Variants in GDPD3 observed in about 807,000 individuals in gnomAD.
The protein encoded by GDPD3 is lysophospholipase D GDPD3.
In GDPD3, 40 loss-of-function variants were observed where a neutral mutation model predicts 43.7. The ratio of observed to expected loss-of-function variants is 0.91; its 90% confidence interval spans 0.71 to 1.19. The LOEUF is 1.19. Ranked by LOEUF, GDPD3 falls within the 50% of genes most tolerant of loss-of-function variation. The pLI, the probability that GDPD3 is intolerant of heterozygous loss-of-function variation, is 0.00. For synonymous variants in GDPD3, 145 were observed against 162.9 expected (o/e 0.89, Z 0.84); for missense variants, 363 against 415.8 (o/e 0.87, Z 1.11).
rs1220064316 is a variant in GDPD3, at chr16:30,108,978, C to CAT, written c.708-547_708-546insAT. On this transcript the variant is annotated intron_variant, in intron 7 of 9. Coordinates refer to ENST00000406256, the MANE Select transcript of GDPD3 (RefSeq NM_024307.3). ...TCTTGAGTAGCTGGGACTACAGGTG[C>CAT]CCGCCACCACGCCTGCTAATTTTTT... 8.6e-5 allele frequency among the ~76,000 whole-genome samples: 13 copies of CAT among 151,704 alleles called. No homozygotes were observed. The South Asian group carries it at 1.9e-3, about 22-fold the overall frequency.
At position 30,105,799 on chromosome 16, in the gene GDPD3, G is replaced by A. The variant is rs564533342; in HGVS notation, c.820-790C>T. ...ATTACAGGTGTGAGCCACCGCGCCC[G>A]GCCCTAAATAAATTATTAAAACAAC... On this transcript the variant is annotated intron_variant, in intron 9 of 9. Coordinates refer to ENST00000406256, the MANE Select transcript of GDPD3 (RefSeq NM_024307.3). Among the ~76,000 whole-genome samples the A allele has an allele frequency of 2.9e-3, 425 of 145,400 alleles. 2 individuals carry two copies. The highest frequency in any genetic ancestry group is 4.9e-3 in the Non-Finnish European group (326 of 66,554).
chr16:30,105,149 G>T, intron 9 of GDPD3, 140 bp from the exon 10 acceptor site: 1 of 714,392 alleles, frequency 1.4e-6, no homozygotes, highest in Non-Finnish European at 2.3e-6. Context: ...TTTGCAAAGT[G>T]GTTATTAAAC....
chr16:30,111,412 C>CAGA lies in GDPD3; in HGVS notation c.680_682dup (p.Phe227dup). On this transcript the variant is annotated inframe_insertion, in exon 7 of 10. Coordinates refer to ENST00000406256, the MANE Select transcript of GDPD3 (RefSeq NM_024307.3). ...CCTGTTGATGATGTTGGGCAGGAAG[C>CAGA]AGAAGAAGAACTTCTCAGGGATTGG... is the stretch of plus-strand genomic sequence containing the variant. 1.2e-6 allele frequency: 2 copies of CAGA among 1,613,920 alleles called. No individual in the cohort carries two copies. The highest frequency in any genetic ancestry group is 3.3e-5 in the Admixed American group (2 of 59,986).
rs368935847 is a variant in GDPD3 at position 30,113,039 on chromosome 16, G to A, written c.165C>T (p.Thr55=). The A allele has an allele frequency of 2.5e-6, 4 of 1,613,420 alleles. No individual in the cohort carries two copies. The highest frequency in any genetic ancestry group is 3.4e-6 in the Non-Finnish European group (4 of 1,179,782). ...RGGSGELLEN[T]MEAMENSMAQ... ...ACACTCACTTCTCCATGGCCTCCAT[G>A]GTGTTCTCCAGCAGCTCTCCAGATC... The change falls in exon 2 of 10, where the codon ACC becomes ACT. Residue 55 remains threonine, a synonymous_variant. Transcript: ENST00000406256. This position sits in a 1 kb window ranked among gnomAD's most constrained non-coding sequence, Gnocchi z 5.9.
At chr16:30,111,693 G>A (rs550196997) in intron 6 of GDPD3, 172 bp from the exon 7 acceptor site, 388 of 657,426 alleles carry the variant, frequency 5.9e-4, no homozygotes, top group Admixed American at 1.0e-3. Flanking sequence ...AGCAGTTTGG[G>A]AGGCTGAGGC....
At position 30,108,398 on chromosome 16, in the gene GDPD3, G is replaced by A. The variant is rs1242157802; in HGVS notation, c.742C>T (p.Gln248Ter). ...YFPFSCSCLN[Q>*]LLAVVSKWLI... ...CATTTCGAAACCACAGCCAATAACT[G>A]GTTCAGGCAAGAGCAGGAAAATGGG... Residue 248 changes from glutamine to a stop codon, truncating the protein, a stop_gained, in exon 8 of 10, where the codon CAG (glutamine) becomes TAG (stop). Transcript: ENST00000406256. LOFTEE classifies it high-confidence loss of function. The A allele has an allele frequency of 6.8e-6, 11 of 1,614,028 alleles. No homozygotes were observed. The South Asian group carries it at 1.1e-4, about 16-fold the overall frequency.
chr16:30,111,887 C>T (rs943418791), intron 6 of GDPD3: 15 of 569,614 alleles, frequency 2.6e-5, no homozygotes, highest in Admixed American at 6.1e-5. Flanking sequence ...GAGCCGAGGT[C>T]GCACCACCGC....
rs146701553 is a variant in GDPD3 at position 30,108,383 on chromosome 16, C to G, written c.757G>C (p.Val253Leu). The G allele has an allele frequency of 1.4e-4, 221 of 1,614,010 alleles. 3 individuals carry two copies. The highest frequency in any genetic ancestry group is 8.2e-4 in the Middle Eastern group (5 of 6,062). ...TCTTGCCCACCTCACCATTTCGAAACCACAGCCAATAACTGGTTCAGGCAA... is the reference window on the plus strand; with the variant it reads ...TCTTGCCCACCTCACCATTTCGAAAGCACAGCCAATAACTGGTTCAGGCAA... ...CSCLNQLLAV[V>L]SKWLIMRKSL... Residue 253 changes from valine to leucine, a missense_variant, in exon 8 of 10, where the codon GTT (valine) becomes CTT (leucine). Transcript: ENST00000406256.
intron 9 of GDPD3, among the ~76,000 whole-genome samples, chr16:30,106,578 C>G (rs1459235955): frequency 6.6e-6 from 1 of 152,180 alleles, no homozygotes; most frequent in Non-Finnish European, 1.5e-5. Flanking sequence ...ATTGCCAACA[C>G]TGGAGTGCAG....
At position 30,104,902 on chromosome 16, in the gene GDPD3, G is replaced by A; in HGVS notation, c.927C>T (p.Asp309=). ...DYPTALRHYL[D]NHGPAARTS The stretch of plus-strand genomic sequence containing the variant: ...AGGTCCGGGCAGCTGGTCCATGGTT[G>A]TCCAGGTAGTGCCGCAGGGCTGTGG... Residue 309 remains aspartate (D), a synonymous_variant, in exon 10 of 10, where the codon GAC becomes GAT. Coordinates refer to ENST00000406256, the MANE Select transcript of GDPD3 (RefSeq NM_024307.3). The A allele has an allele frequency of 1.2e-6, 2 of 1,612,666 alleles. No individual in the cohort carries two copies. Among genetic ancestry groups the A allele is most frequent in the Non-Finnish European group, 8.5e-7 (1 of 1,180,016 alleles).
At chr16:30,106,067 C>T (rs954412365) in intron 9 of GDPD3, among the ~76,000 whole-genome samples, 2 of 151,924 alleles carry the variant, frequency 1.3e-5, no homozygotes, top group East Asian at 1.9e-4. Flanking sequence ...GCTGAGATCA[C>T]GCCATTGCAC....
Position 30,112,037 on chromosome 16 carries a change from C to G in GDPD3, c.573+95G>C. On this transcript the variant is annotated intron_variant, in intron 6 of 9. Coordinates refer to ENST00000406256, the MANE Select transcript of GDPD3 (RefSeq NM_024307.3). This position sits in a 1 kb window ranked among gnomAD's most constrained non-coding sequence, Gnocchi z 5.4. The stretch of plus-strand genomic sequence containing the variant: ...CGCCACTGGGAACTCTCCCAGACCC[C>G]TCTAGCTCGGGTCCCCATGCTGGGT... The G allele has an allele frequency of 2.1e-6, 2 of 966,758 alleles. No individual in the cohort carries two copies. Among genetic ancestry groups the G allele is most frequent in the South Asian group, 2.7e-5 (2 of 72,728 alleles). The allele number at this position is 966,758 out of a possible 1,614,324, so 59.9% of individuals were successfully genotyped here.
In GDPD3 at chr16:30,112,888, G is replaced by C; in HGVS notation, c.183-95C>G. The stretch of plus-strand genomic sequence containing the variant: ...GGCCGGGAATGTGAGAGCGGAGTTC[G>C]TGGCGGGATGTGCAGGCCACCTCCA... On this transcript the variant is annotated intron_variant, in intron 2 of 9. Transcript: ENST00000406256. This position sits in a 1 kb window ranked among gnomAD's most constrained non-coding sequence, Gnocchi z 5.4. 2 of 1,510,812 alleles carry C rather than the reference G, an allele frequency of 1.3e-6. No homozygotes were observed. The highest frequency in any genetic ancestry group is 9.1e-7 in the Non-Finnish European group (1 of 1,095,628). 93.6% of individuals were successfully genotyped at this position (1,510,812 alleles called of 1,614,324 possible).
Position 30,113,113 on chromosome 16 carries a change from T to C in GDPD3, c.140-49A>G, listed in dbSNP as rs763744371. On this transcript the variant is annotated intron_variant, in intron 1 of 9. Coordinates refer to ENST00000406256, the MANE Select transcript of GDPD3 (RefSeq NM_024307.3). The surrounding 1 kb of genome is among the most constrained non-coding windows in gnomAD (Gnocchi z 5.9). ...CTCTGGGGCTTGGGGTCTAGGGGCC[T>C]GGCCCAACCTCATCACCCACATTCC... is the stretch of plus-strand genomic sequence containing the variant. 3 of 1,519,776 alleles carry C rather than the reference T, an allele frequency of 2.0e-6. No individual in the cohort carries two copies. Among genetic ancestry groups the C allele is most frequent in the South Asian group, 1.1e-5 (1 of 87,210 alleles). The allele number at this position is 1,519,776 out of a possible 1,614,324, so 94.1% of individuals were successfully genotyped here.
chr16:30,111,804 G>C (rs929551367), intron 6 of GDPD3: 1 of 525,206 alleles, frequency 1.9e-6, no homozygotes, highest in Non-Finnish European at 3.4e-6. Flanking sequence ...GTGGTGGCGT[G>C]CACCTGTAAT....
Position 30,108,404 on chromosome 16 carries a change from G to A in GDPD3, c.736C>T (p.Leu246=). The A allele has an allele frequency of 1.9e-6, 3 of 1,614,082 alleles. No homozygotes were observed. Among genetic ancestry groups the A allele is most frequent in the Non-Finnish European group, 2.5e-6 (3 of 1,180,012 alleles). The change falls in exon 8 of 10, where the codon CTG becomes TTG. Residue 246 remains leucine, a synonymous_variant. Transcript: ENST00000406256. The part of the protein sequence containing the change: ...RTYFPFSCSC[L]NQLLAVVSKW... ...GAAACCACAGCCAATAACTGGTTCA[G>A]GCAAGAGCAGGAAAATGGGAAATAG...
chr16:30,105,578 C>T (rs2072853661), intron 9 of GDPD3, among the ~76,000 whole-genome samples: 1 of 151,150 alleles, frequency 6.6e-6, no homozygotes, highest in African/African-American at 2.4e-5. Flanking sequence ...GAACTCGGCT[C>T]ACTGCAAGCT....
chr16:30,113,486 C>A lies in GDPD3; in HGVS notation c.-8G>T. On this transcript the variant is annotated 5_prime_UTR_variant, in exon 1 of 10. Transcript: ENST00000406256. The surrounding 1 kb of genome is among the most constrained non-coding windows in gnomAD (Gnocchi z 5.9). ...GTACAGCAAAAGGCTCATGACCGTA[C>A]TCCCACAGAAGCTCCTGCAGCCACA... The A allele has an allele frequency of 6.5e-7, 1 of 1,543,554 alleles. No individual in the cohort carries two copies. Among genetic ancestry groups the A allele is most frequent in the Non-Finnish European group, 8.8e-7 (1 of 1,139,208 alleles).
chr16:30,112,948 C>T lies in GDPD3; in HGVS notation c.182+74G>A, dbSNP rs1419709136. On this transcript the variant is annotated intron_variant, in intron 2 of 9. Transcript: ENST00000406256. The surrounding 1 kb of genome is among the most constrained non-coding windows in gnomAD (Gnocchi z 5.4). The stretch of plus-strand genomic sequence containing the variant: ...AGTCACCCAGCTAGGAAGTGAATGG[C>T]GTCCCTTGCTGTGATGCAGTCCACG... 11 of 1,519,634 alleles carry T rather than the reference C, an allele frequency of 7.2e-6. No homozygotes were observed. Among genetic ancestry groups the T allele is most frequent in the African/African-American group, 4.1e-5 (3 of 73,190 alleles). The allele number at this position is 1,519,634 out of a possible 1,614,324, so 94.1% of individuals were successfully genotyped here.
Sources: gnomAD v4.1 joint callset for allele counts (sites outside exome capture counted in the v4.1 genomes callset) on GRCh38, gnomAD v4.1.1 for gene constraint, Gnocchi (gnomAD v3.1) non-coding constraint, MANE v1.5 for transcripts, NCBI Gene and HGNC (gene_info 2026-07-23, HGNC 2026-07-21) for gene names.